Variants in CACNB2 observed in about 807,000 individuals in gnomAD.
CACNB2 encodes calcium voltage-gated channel auxiliary subunit beta 2, also known as voltage-dependent L-type calcium channel subunit beta-2.
In CACNB2, 42 loss-of-function variants were observed where a neutral mutation model predicts 73.3. That is an observed-to-expected ratio of 0.57 (90% CI 0.45 to 0.74). CACNB2 has a LOEUF of 0.74. CACNB2 is among the 30% of genes least tolerant of loss of function. The pLI is 0.00. For synonymous variants in CACNB2, 348 were observed against 310.3 expected (o/e 1.12, Z -1.28); for missense variants, 940 against 853.0 (o/e 1.10, Z -1.27).
In CACNB2 at chr10:18,392,969, G is replaced by C. The variant is rs541772492; in HGVS notation, c.214-8955G>C. Among the ~76,000 whole-genome samples, 32 of 152,260 alleles carry C rather than the reference G, an allele frequency of 2.1e-4. 2 individuals carry two copies. In the South Asian group the frequency reaches 5.6e-3, roughly 27 times the overall value. ...CACACCTGTAATCCCAGCACTTTGG[G>C]AGGCCGAGGCAGGTAGATCCTCTGG... On this transcript the variant is annotated intron_variant, in intron 2 of 13. Transcript: ENST00000324631.
At chr10:18,491,498 G>A (rs2049421850) in intron 3 of CACNB2, among the ~76,000 whole-genome samples, 1 of 152,172 alleles carries the variant, frequency 6.6e-6, no homozygotes. Flanking sequence ...TGAGACTGGA[G>A]GATTATTTGA....
chr10:18,513,170 G>A lies in CACNB2; in HGVS notation c.671-1066G>A, dbSNP rs1038241076. ...TCTCAGTCCAACAGCTGAGCTGGTT[G>A]TCAGTGGTTGTCATATAAAATCCAA... On this transcript the variant is annotated intron_variant, in intron 6 of 13. Coordinates refer to ENST00000324631, the MANE Select transcript of CACNB2 (RefSeq NM_201596.3). The A allele has an allele frequency of 4.0e-5, 6 of 148,586 alleles. No individual in the cohort carries two copies. In the South Asian group the frequency reaches 1.3e-3, roughly 31 times the overall value. 9.2% of individuals were successfully genotyped at this position (148,586 alleles called of 1,614,324 possible). A position where few individuals can be genotyped will look rare whatever the true frequency, so the allele number is the denominator to read the frequency against.
chr10:18,261,673 T>TG (rs1195215700), intron 2 of CACNB2, among the ~76,000 whole-genome samples: 2 of 152,056 alleles, frequency 1.3e-5, no homozygotes, highest in African/African-American at 4.8e-5. Flanking sequence ...AATGATGGGA[T>TG]GGTGGGGGGA....
chr10:18,357,861 GC>G (rs2041985649), intron 2 of CACNB2, among the ~76,000 whole-genome samples: 1 of 152,050 alleles, frequency 6.6e-6, no homozygotes, highest in Non-Finnish European at 1.5e-5. Context: ...CAAAAATCCA[GC>G]AGTACCTTTC....
intron 2 of CACNB2, among the ~76,000 whole-genome samples, chr10:18,200,895 G>C (rs937927301): frequency 6.6e-6 from 1 of 152,140 alleles, no homozygotes; most frequent in African/African-American, 2.4e-5. Flanking sequence ...GAATGCCTTA[G>C]CTTCTAGAAA....
intron 2 of CACNB2, among the ~76,000 whole-genome samples, chr10:18,351,037 T>C (rs2041683450): frequency 6.6e-6 from 1 of 152,220 alleles, no homozygotes; most frequent in Admixed American, 6.5e-5. Flanking sequence ...TTTCTTATTA[T>C]ATGCCAGCTA....
intron 2 of CACNB2, among the ~76,000 whole-genome samples, chr10:18,217,350 G>A (rs1299451088): frequency 1.3e-5 from 2 of 152,056 alleles, no homozygotes; most frequent in Non-Finnish European, 2.9e-5. Flanking sequence ...CAGGCAGAGT[G>A]GTGTGCGCCT....
At chr10:18,534,860 C>T (rs1403627126) in intron 11 of CACNB2, among the ~76,000 whole-genome samples, 1 of 152,196 alleles carries the variant, frequency 6.6e-6, no homozygotes, top group African/African-American at 2.4e-5. Context: ...CAAACAACAA[C>T]TGACAGGCTA....
chr10:18,432,348 G>C (rs1226474630), intron 3 of CACNB2, among the ~76,000 whole-genome samples: 1 of 151,934 alleles, frequency 6.6e-6, no homozygotes, highest in African/African-American at 2.4e-5. Flanking sequence ...CTGATGTCCT[G>C]ATCTGCTCAT....
In CACNB2 at chr10:18,340,939, C is replaced by G. The variant is rs774231919; in HGVS notation, c.214-60985C>G. The G allele has an allele frequency of 1.2e-6, 2 of 1,614,092 alleles. No homozygotes were observed. Among genetic ancestry groups the G allele is most frequent in the Non-Finnish European group, 1.7e-6 (2 of 1,180,022 alleles). ...GAATTGGTCTAGCATGCTTGACAGACGCCTTATAGCTCCTCAAACTAAATA... is the reference window on the plus strand; with the variant it reads ...GAATTGGTCTAGCATGCTTGACAGAGGCCTTATAGCTCCTCAAACTAAATA... On this transcript the variant is annotated intron_variant, in intron 2 of 13. Transcript: ENST00000324631.
intron 2 of CACNB2, among the ~76,000 whole-genome samples, chr10:18,270,672 T>C (rs2038013818): frequency 6.6e-6 from 1 of 152,134 alleles, no homozygotes; most frequent in South Asian, 2.1e-4. Flanking sequence ...ATCAACACTC[T>C]TTTATTTGCC....
At chr10:18,455,927 C>G (rs901228349) in intron 3 of CACNB2, among the ~76,000 whole-genome samples, 1 of 152,180 alleles carries the variant, frequency 6.6e-6, no homozygotes, top group African/African-American at 2.4e-5. Context: ...AGGATGCTCA[C>G]TGAGGGTGAC....
intron 2 of CACNB2, among the ~76,000 whole-genome samples, chr10:18,308,497 T>G (rs1003845196): frequency 2.0e-5 from 3 of 152,204 alleles, no homozygotes; most frequent in Non-Finnish European, 4.4e-5. Context: ...GTGTCTGTGT[T>G]CCCATTGTAG....
chr10:18,230,682 TCAGA>T (rs1215566885), intron 2 of CACNB2, among the ~76,000 whole-genome samples: 3 of 152,150 alleles, frequency 2.0e-5, no homozygotes, highest in African/African-American at 4.8e-5. Context: ...CATTTAGAAA[TCAGA>T]CAGAGTATTA....
chr10:18,501,040 T>C, intron 5 of CACNB2, 92 bp downstream of exon 5: 1 of 1,247,684 alleles, frequency 8.0e-7, no homozygotes, highest in Non-Finnish European at 1.2e-6. Flanking sequence ...CTTTATTATG[T>C]ATTAACAAGG....
intron 2 of CACNB2, among the ~76,000 whole-genome samples, chr10:18,306,389 G>T (rs1215885864): frequency 6.6e-6 from 1 of 152,128 alleles, no homozygotes; most frequent in Non-Finnish European, 1.5e-5. Context: ...GAATTAGAGG[G>T]TAGCGGAACA....
At chr10:18,390,369 T>C (rs1235061564) in intron 2 of CACNB2, among the ~76,000 whole-genome samples, 3 of 152,162 alleles carry the variant, frequency 2.0e-5, no homozygotes, top group Non-Finnish European at 4.4e-5. Context: ...CCCGCCACCA[T>C]GCCTGGCTAA....
intron 2 of CACNB2, among the ~76,000 whole-genome samples, chr10:18,361,803 G>C (rs1036312398): frequency 6.6e-6 from 1 of 151,774 alleles, no homozygotes; most frequent in African/African-American, 2.4e-5. Context: ...AGTAGAGATG[G>C]GGTTTCACTA....
At chr10:18,433,834 C>A (rs2046002266) in intron 3 of CACNB2, among the ~76,000 whole-genome samples, 1 of 152,022 alleles carries the variant, frequency 6.6e-6, no homozygotes. Flanking sequence ...ATCCCCTAAT[C>A]CTTTTTTCTA....
Sources: allele counts gnomAD v4.1 joint callset (sites outside exome capture counted in the v4.1 genomes callset), GRCh38; gene constraint gnomAD v4.1.1; transcripts MANE v1.5; gene names NCBI Gene and HGNC (gene_info 2026-07-23, HGNC 2026-07-21).